The following ROBO2 variants were observed in gnomAD, a reference collection of about 807,000 sequenced individuals.
The protein encoded by ROBO2 is roundabout guidance receptor 2.
A neutral mutation model predicts 160.8 loss-of-function variants in ROBO2; 53 were observed. The ratio of observed to expected loss-of-function variants is 0.33; its 90% CI spans 0.26 to 0.41. The LOEUF is 0.41. Among genes scored for constraint, ROBO2 ranks in the 10% least tolerant of loss-of-function variants. The pLI is 1.00. For missense variants in ROBO2, 1,577 were observed against 1,722.4 expected (o/e 0.92, Z 1.49); for synonymous variants, 664 against 611.7 (o/e 1.09, Z -1.26).
intron 2 of ROBO2, among the ~76,000 whole-genome samples, chr3:77,018,736 A>G (rs915050045): frequency 2.0e-4 from 31 of 152,208 alleles, no homozygotes; most frequent in African/African-American, 6.0e-4. Context: ...GTTTGCAAAA[A>G]TGTTCATTCC....
At chr3:76,945,782 G>C (rs1268624338) in intron 2 of ROBO2, among the ~76,000 whole-genome samples, 1 of 152,078 alleles carries the variant, frequency 6.6e-6, no homozygotes, top group Non-Finnish European at 1.5e-5. Context: ...TGGTCTTCTT[G>C]TTTATATCTG....
chr3:77,627,370 C>G (rs1021011835), intron 23 of ROBO2, among the ~76,000 whole-genome samples: 2 of 152,120 alleles, frequency 1.3e-5, no homozygotes, highest in Non-Finnish European at 2.9e-5. Flanking sequence ...ACCTCCGCCT[C>G]CCAGATTCAA....
chr3:77,417,229 C>G (rs1057208112), intron 2 of ROBO2, among the ~76,000 whole-genome samples: 1 of 91,854 alleles, frequency 1.1e-5, no homozygotes, highest in Admixed American at 9.6e-5. Flanking sequence ...GCAGGGTAAC[C>G]ACTTTTTTTT....
chr3:76,685,308 C>G (rs1181336778), intron 2 of ROBO2, among the ~76,000 whole-genome samples: 2 of 151,166 alleles, frequency 1.3e-5, no homozygotes, highest in African/African-American at 4.9e-5. Flanking sequence ...AAAGAAAATG[C>G]TACGGGATAT....
intron 2 of ROBO2, among the ~76,000 whole-genome samples, chr3:77,013,184 A>T (rs569819817): frequency 6.6e-6 from 1 of 152,296 alleles, no homozygotes; most frequent in South Asian, 2.1e-4. Context: ...TCATATCCTT[A>T]ATCTAATAAG....
At chr3:76,357,124 A>G (rs952785541) in intron 2 of ROBO2, among the ~76,000 whole-genome samples, 8 of 151,840 alleles carry the variant, frequency 5.3e-5, no homozygotes, top group Non-Finnish European at 1.2e-4. Flanking sequence ...TTGAAGAGAC[A>G]ATATTGTTAA....
chr3:77,438,409 T>A (rs1403518496), intron 2 of ROBO2, among the ~76,000 whole-genome samples: 1 of 151,752 alleles, frequency 6.6e-6, no homozygotes, highest in Non-Finnish European at 1.5e-5. Flanking sequence ...TCTGTATATA[T>A]TTTATATATA....
intron 2 of ROBO2, among the ~76,000 whole-genome samples, chr3:76,144,050 T>C (rs1001273480): frequency 6.6e-6 from 1 of 151,950 alleles, no homozygotes; most frequent in Non-Finnish European, 1.5e-5. Flanking sequence ...CTGATTCAAA[T>C]GTTAATCTCA....
At chr3:76,217,733 A>G (rs1257535576) in intron 2 of ROBO2, among the ~76,000 whole-genome samples, 1 of 152,218 alleles carries the variant, frequency 6.6e-6, no homozygotes, top group Non-Finnish European at 1.5e-5. Context: ...TACCAGAGGT[A>G]CAAGGAGGAA....
chr3:77,029,238 C>T (rs2063165133), intron 2 of ROBO2, among the ~76,000 whole-genome samples: 1 of 152,038 alleles, frequency 6.6e-6, no homozygotes, highest in South Asian at 2.1e-4. Flanking sequence ...GACTGTTTGG[C>T]TTCTGTCATA....
chr3:76,181,627 A>G (rs978972307), intron 2 of ROBO2, among the ~76,000 whole-genome samples: 10 of 152,276 alleles, frequency 6.6e-5, no homozygotes, highest in South Asian at 2.1e-4. Flanking sequence ...TTACTTTCAA[A>G]TAATTACTAA....
chr3:77,550,693 A>T, intron 7 of ROBO2, 125 bp from the exon 9 acceptor site: 1 of 1,013,252 alleles, frequency 9.9e-7, no homozygotes, highest in African/African-American at 1.6e-5. Context: ...ACATTTCTGA[A>T]CCATATATAT....
intron 2 of ROBO2, among the ~76,000 whole-genome samples, chr3:76,307,530 C>T (rs1302433457): frequency 6.6e-6 from 1 of 150,722 alleles, no homozygotes; most frequent in Non-Finnish European, 1.5e-5. Context: ...TCTCGGTGGA[C>T]CTTCCCATTT....
chr3:77,469,208 A>G (rs917193269), intron 2 of ROBO2, among the ~76,000 whole-genome samples: 4 of 152,182 alleles, frequency 2.6e-5, no homozygotes, highest in African/African-American at 4.8e-5. Context: ...AAAAGGAAAC[A>G]TACCTAGAAA....
intron 2 of ROBO2, among the ~76,000 whole-genome samples, chr3:76,776,930 T>C (rs780369552): frequency 2.0e-5 from 3 of 150,996 alleles, no homozygotes; most frequent in Non-Finnish European, 4.5e-5. Flanking sequence ...CTTGTTGATA[T>C]ATTATGAGGT....
chr3:76,250,448 ATC>A (rs952467909), intron 2 of ROBO2, among the ~76,000 whole-genome samples: 17 of 152,042 alleles, frequency 1.1e-4, no homozygotes, highest in Admixed American at 2.6e-4. Context: ...AAAATTTCAA[ATC>A]TATCATATTT....
intron 2 of ROBO2, among the ~76,000 whole-genome samples, chr3:76,556,934 AAAT>A (rs2083832241): frequency 6.6e-6 from 1 of 152,102 alleles, no homozygotes; most frequent in African/African-American, 2.4e-5. Context: ...CCATAATTCT[AAAT>A]AATAAGCTAT....
intron 2 of ROBO2, among the ~76,000 whole-genome samples, chr3:76,428,234 A>G (rs1282620680): frequency 6.6e-6 from 1 of 152,148 alleles, no homozygotes; most frequent in Non-Finnish European, 1.5e-5. Context: ...TTCACACTGA[A>G]CATCTTTGTA....
At chr3:75,951,472 A>T (rs1948533717) in intron 2 of ROBO2, among the ~76,000 whole-genome samples, 1 of 152,070 alleles carries the variant, frequency 6.6e-6, no homozygotes, top group South Asian at 2.1e-4. Flanking sequence ...GAAACAAGCC[A>T]TTGATTAAAT....
Sources: allele counts gnomAD v4.1 joint callset (sites outside exome capture counted in the v4.1 genomes callset), GRCh38; gene constraint gnomAD v4.1.1; transcripts MANE v1.5; gene names NCBI Gene and HGNC (gene_info 2026-07-23, HGNC 2026-07-21).